The following IFT122 variants were observed in gnomAD, a reference collection of about 807,000 sequenced individuals.
The protein encoded by IFT122 is intraflagellar transport 122.
In IFT122, 118 loss-of-function variants were observed where a neutral mutation model predicts 161.6. The observed-to-expected ratio is 0.73, with a 90% CI of 0.63 to 0.85. The LOEUF is 0.85. IFT122 is among the 40% of genes least tolerant of loss of function. The pLI, the probability that IFT122 is intolerant of heterozygous loss-of-function variation, is 0.00. For missense variants in IFT122, 1,381 were observed against 1,579.6 expected (o/e 0.87, Z 2.13); for synonymous variants, 550 against 602.4 (o/e 0.91, Z 1.27).
rs759786610 is a variant in IFT122, at chr3:129,500,085, GC to G, written c.2375+21del. 1.2e-6 allele frequency: 2 copies of G among 1,614,050 alleles called. No homozygotes were observed. The highest frequency in any genetic ancestry group is 4.5e-5 in the East Asian group (2 of 44,876). On this transcript the variant is annotated intron_variant, in intron 19 of 29. Transcript: ENST00000348417. ...GGTTGACATGTAGGTTTTGGTCCCT[GC>G]CCCGAGAAGCATTTGGCAGCATGTC...
At position 129,520,186 on chromosome 3, in the gene IFT122, C is replaced by T. The variant is rs920627511; in HGVS notation, c.3647C>T (p.Ser1216Phe). ...GCTGTCTTCCCTTAGATGTTCCATT[C>T]TGAGGACTATGAGTTGCTGGTGCTT... ...MCPSCFQMFHSEDYELLVLQH... is the reference protein window; with the variant it reads ...MCPSCFQMFHFEDYELLVLQH... Residue 1216 changes from serine to phenylalanine, a missense_variant, in exon 30 of 30, where the codon TCT becomes TTT. This residue lies in a region of IFT122 where 177 missense variants were observed against 199.2 expected (regional missense o/e 0.89). Transcript: ENST00000348417. 1.2e-6 allele frequency: 2 copies of T among 1,611,918 alleles called. No homozygotes were observed. Among genetic ancestry groups the T allele is most frequent in the African/African-American group, 2.7e-5 (2 of 74,892 alleles).
chr3:129,516,741 GCACA>G (rs1255065994), intron 26 of IFT122, among the ~76,000 whole-genome samples: 4 of 75,122 alleles, frequency 5.3e-5, no homozygotes, highest in Non-Finnish European at 7.2e-5. Context: ...GACTGCCCCT[GCACA>G]CACACACACA....
intron 22 of IFT122, among the ~76,000 whole-genome samples, chr3:129,506,765 A>G (rs2082234726): frequency 6.6e-6 from 1 of 152,188 alleles, no homozygotes; most frequent in Non-Finnish European, 1.5e-5. Flanking sequence ...TATGGTTGGC[A>G]GGTCCAGCCC....
At chr3:129,449,963 TA>T in intron 2 of IFT122, 26 bp downstream of exon 2, 1 of 1,516,084 alleles carries the variant, frequency 6.6e-7, no homozygotes, top group Non-Finnish European at 9.2e-7. Flanking sequence ...AGTTTCCTCT[TA>T]AAGTGCTTCC....
intron 21 of IFT122, among the ~76,000 whole-genome samples, chr3:129,505,423 C>T (rs1030244115): frequency 2.6e-5 from 4 of 152,346 alleles, no homozygotes; most frequent in African/African-American, 9.6e-5. Context: ...TGAAGGTTAG[C>T]GCATTCTCTG....
chr3:129,469,080 A>G (rs1333991161), intron 8 of IFT122, among the ~76,000 whole-genome samples: 1 of 152,216 alleles, frequency 6.6e-6, no homozygotes, highest in African/African-American at 2.4e-5. Context: ...CTTCAGCTGC[A>G]GCAGTGTCCC....
chr3:129,476,608 G>T, intron 10 of IFT122, 55 bp from the exon 11 acceptor site: 1 of 1,614,098 alleles, frequency 6.2e-7, no homozygotes. Context: ...TGACAAATGG[G>T]GGAATGCAGA....
At chr3:129,444,061 A>G (rs951925883) in intron 1 of IFT122, among the ~76,000 whole-genome samples, 1 of 152,206 alleles carries the variant, frequency 6.6e-6, no homozygotes, top group African/African-American at 2.4e-5. Flanking sequence ...AATCCACCAT[A>G]GCAATCCACA....
chr3:129,469,229 A>G (rs548736819), intron 8 of IFT122, 113 bp from the exon 9 acceptor site: 53 of 920,952 alleles, frequency 5.8e-5, no homozygotes, highest in East Asian at 4.7e-4. Context: ...AAGCTGTACA[A>G]CATTTGGCAA....
chr3:129,507,316 G>T (rs2082288347), intron 22 of IFT122, among the ~76,000 whole-genome samples: 1 of 152,240 alleles, frequency 6.6e-6, no homozygotes, highest in African/African-American at 2.4e-5. Flanking sequence ...GTTGGTGTCT[G>T]CCTGCCTTTG....
At chr3:129,496,005 C>G (rs955277184) in intron 18 of IFT122, among the ~76,000 whole-genome samples, 2 of 152,250 alleles carry the variant, frequency 1.3e-5, no homozygotes, top group African/African-American at 4.8e-5. Context: ...GCCGATCATG[C>G]AGGACGACAT....
intron 20 of IFT122, 130 bp downstream of exon 20, chr3:129,503,012 G>C: frequency 1.2e-6 from 1 of 806,222 alleles, no homozygotes. Context: ...CATTGGGCTG[G>C]CAGTCAGGTA....
At chr3:129,505,107 C>T (rs1487469157) in intron 21 of IFT122, among the ~76,000 whole-genome samples, 5 of 152,204 alleles carry the variant, frequency 3.3e-5, no homozygotes, top group Admixed American at 1.3e-4. Flanking sequence ...CTGTGTCAGG[C>T]CCTGGCTGAG....
intron 1 of IFT122, among the ~76,000 whole-genome samples, chr3:129,443,883 G>A (rs1425345814): frequency 6.6e-6 from 1 of 152,184 alleles, no homozygotes; most frequent in African/African-American, 2.4e-5. Flanking sequence ...TGGCTCAAAT[G>A]AGACATTCAG....
chr3:129,460,817 G>A (rs2076135766), intron 4 of IFT122: 1 of 1,558,070 alleles, frequency 6.4e-7, no homozygotes, highest in Non-Finnish European at 8.9e-7. Flanking sequence ...GATTTGCTCA[G>A]CTTTCATTGT....
In IFT122 at chr3:129,512,317, TC is replaced by T; in HGVS notation, c.2894del (p.Pro965ArgfsTer32). The stretch of plus-strand genomic sequence containing the variant: ...TTGCTTTTCTCTCACTGCAGGAAGA[TC>T]CGTTCAGTGTCCATCGTCCTGAAAC... ...YHAIHRHTED[P>X]FSVHRPETLF... On this transcript the variant is annotated frameshift_variant, in exon 24 of 30. Transcript: ENST00000348417. LOFTEE classifies it high-confidence loss of function. 1.2e-6 allele frequency: 2 copies of T among 1,613,194 alleles called. No individual in the cohort carries two copies. Among genetic ancestry groups the T allele is most frequent in the Non-Finnish European group, 1.7e-6 (2 of 1,179,114 alleles).
At chr3:129,519,359 C>T (rs943156770) in intron 28 of IFT122, among the ~76,000 whole-genome samples, 173 bp downstream of exon 28, 1 of 152,190 alleles carries the variant, frequency 6.6e-6, no homozygotes, top group African/African-American at 2.4e-5. Flanking sequence ...GCCATGGCTG[C>T]CCCCGAGGGA....
In IFT122 at chr3:129,444,130, C is replaced by G. The variant is rs1008179291; in HGVS notation, c.41+3759C>G. 2.0e-5 allele frequency among the ~76,000 whole-genome samples: 3 copies of G among 152,236 alleles called. No individual in the cohort carries two copies. The East Asian group carries it at 5.8e-4, about 29-fold the overall frequency. On this transcript the variant is annotated intron_variant, in intron 1 of 29. Transcript: ENST00000348417. ...ACCCCGTGAGTAGGAGGCTACCTCT[C>G]TATCCTTGTTTTGTAGGTGAGAATG...
chr3:129,469,479 T>C (rs1268477097), intron 9 of IFT122, 62 bp downstream of exon 9: 1 of 1,272,124 alleles, frequency 7.9e-7, no homozygotes, highest in East Asian at 2.3e-5. Context: ...TTTCTGAGAT[T>C]CTGTTACTAT....
Sources: allele counts gnomAD v4.1 joint callset (sites outside exome capture counted in the v4.1 genomes callset), GRCh38; gene constraint gnomAD v4.1.1; regional missense constraint gnomAD v4.1.1; transcripts MANE v1.5; gene names NCBI Gene and HGNC (gene_info 2026-07-23, HGNC 2026-07-21).